LAMA5: variants seen among roughly 807,000 people sequenced by gnomAD.
LAMA5 encodes the protein laminin subunit alpha-5.
Under a neutral mutation model 433.4 loss-of-function variants are expected in LAMA5, and 260 were observed. That is an observed-to-expected ratio of 0.60 (90% CI 0.54 to 0.66). LAMA5 has a LOEUF of 0.66. LAMA5 is among the 30% of genes least tolerant of loss of function. The pLI, the probability that LAMA5 is intolerant of heterozygous loss-of-function variation, is 0.00. For missense variants in LAMA5, 5,378 were observed against 5,258.5 expected, an observed-to-expected ratio of 1.02 and a Z score of -0.70; for synonymous variants, 2,620 against 2,226.6, an observed-to-expected ratio of 1.18 and a Z score of -4.97.
At position 62,332,732 on chromosome 20, in the gene LAMA5, G is replaced by A. The variant is rs780376886; in HGVS notation, c.3283-15C>T. On this transcript the variant is annotated splice_polypyrimidine_tract_variant and intron_variant, in intron 26 of 79. Coordinates refer to ENST00000252999, the MANE Select transcript of LAMA5 (RefSeq NM_005560.6). ...TGGACGTCCACCTGCAGGGAAGGCA[G>A]GGTGACGGGAGGCCCGCCACCCCTC... 4 of 1,608,172 alleles carry A rather than the reference G, an allele frequency of 2.5e-6. No individual in the cohort carries two copies. The highest frequency in any genetic ancestry group is 1.7e-6 in the Non-Finnish European group (2 of 1,178,298).
chr20:62,363,008 C>T (rs1986322928), intron 1 of LAMA5, among the ~76,000 whole-genome samples: 1 of 152,148 alleles, frequency 6.6e-6, no homozygotes, highest in Non-Finnish European at 1.5e-5. Context: ...TAAGGCAAAG[C>T]ATGGCTACCC....
chr20:62,310,718 G>T lies in LAMA5; in HGVS notation c.10393C>A (p.His3465Asn). The T allele has an allele frequency of 6.3e-7, 1 of 1,596,766 alleles. No homozygotes were observed. ...QHQGAEHPQP[H>N]TLFVGGLPAS... Reference sequence around the variant, plus strand: ...GGGAGGCCGCCCACAAAGAGGGTGTGGGGCTGGGGGTGCTCTGCCCCCTGG... The same window carrying T: ...GGGAGGCCGCCCACAAAGAGGGTGTTGGGCTGGGGGTGCTCTGCCCCCTGG... Residue 3465 changes from histidine (H) to asparagine (N), a missense_variant, in exon 75 of 80, where the codon CAC becomes AAC. Transcript: ENST00000252999.
chr20:62,334,724 T>TG (rs1172677297), intron 20 of LAMA5, 103 bp from the exon 21 acceptor site: 40 of 784,678 alleles, frequency 5.1e-5, no homozygotes, highest in Non-Finnish European at 6.9e-5. Context: ...CTCTGGATGA[T>TG]GGAGAGTCAG....
Position 62,331,136 on chromosome 20 carries a change from G to A in LAMA5, c.3553-7C>T. The A allele has an allele frequency of 1.9e-6, 3 of 1,555,266 alleles. No homozygotes were observed. Among genetic ancestry groups the A allele is most frequent in the African/African-American group, 1.4e-5 (1 of 72,746 alleles). ...GCACCAGAGTGACCCCGTGCTGCAG[G>A]CAGAGGGACGAGATGCTGCAACGCC... On this transcript the variant is annotated splice_polypyrimidine_tract_variant and splice_region_variant and intron_variant, in intron 28 of 79. Coordinates refer to ENST00000252999, the MANE Select transcript of LAMA5 (RefSeq NM_005560.6).
At position 62,310,499 on chromosome 20, in the gene LAMA5, A is replaced by G. The variant is rs374751233; in HGVS notation, c.10520T>C (p.Met3507Thr). 8 of 1,565,266 alleles carry G rather than the reference A, an allele frequency of 5.1e-6. No homozygotes were observed. In the African/African-American group the frequency reaches 1.1e-4, roughly 21 times the overall value. ...CAAGATGCAGGGTGTGACCCCTGCC[A>G]TCCGTGTGGGGGCCCCCAGGGGCCT... ...HGRPLGAPTR[M>T]AGVTPCILGP... Residue 3507 changes from methionine to threonine, a missense_variant, in exon 76 of 80, where the codon ATG becomes ACG. Coordinates refer to ENST00000252999, the MANE Select transcript of LAMA5 (RefSeq NM_005560.6).
intron 6 of LAMA5, 96 bp from the exon 7 acceptor site, chr20:62,347,124 G>T: frequency 1.1e-6 from 1 of 912,644 alleles, no homozygotes; most frequent in Non-Finnish European, 1.7e-6. Flanking sequence ...CCCCTCGATG[G>T]CTTGGCTTGC....
At chr20:62,341,256 T>C (rs182459561) in intron 11 of LAMA5, among the ~76,000 whole-genome samples, 6 of 151,242 alleles carry the variant, frequency 4.0e-5, no homozygotes, top group South Asian at 2.1e-4. Context: ...CAGTGACGGG[T>C]TGAAAGAAAA....
Position 62,330,845 on chromosome 20 carries a change from G to T in LAMA5, c.3750C>A (p.His1250Gln). Residue 1250 changes from histidine (H) to glutamine (Q), a missense_variant, in exon 30 of 80, where the codon CAC (histidine) becomes CAA (glutamine). Physicochemically the swap from His to Gln is conservative, Grantham distance 24. Coordinates refer to ENST00000252999, the MANE Select transcript of LAMA5 (RefSeq NM_005560.6). ...IPLPPGLPLT[H>Q]AQDLTPAMSP... Reference sequence around the variant, plus strand: ...ACATGGCTGGAGTGAGATCCTGCGCGTGGGTCAGCGGGAGGCCGGGCGGCA... The same window carrying T: ...ACATGGCTGGAGTGAGATCCTGCGCTTGGGTCAGCGGGAGGCCGGGCGGCA... The T allele has an allele frequency of 6.5e-7, 1 of 1,542,146 alleles. No homozygotes were observed. The highest frequency in any genetic ancestry group is 8.7e-7 in the Non-Finnish European group (1 of 1,143,538).
chr20:62,313,370 T>A lies in LAMA5; in HGVS notation c.8749A>T (p.Arg2917Trp), dbSNP rs1431178834. ...ACAGCCGTGTCCAGCTGGAAGGTCC[T>A]CTCGAAGTTGTAGAGGCTGACCACC... ...EEVVSLYNFERTFQLDTAVDR... is the reference protein window; with the variant it reads ...EEVVSLYNFEWTFQLDTAVDR... Residue 2917 changes from arginine to tryptophan, a missense_variant, in exon 64 of 80, where the codon AGG becomes TGG. Physicochemically the swap from Arg to Trp is moderately radical, Grantham distance 101. Coordinates refer to ENST00000252999, the MANE Select transcript of LAMA5 (RefSeq NM_005560.6). 6.3e-7 allele frequency: 1 copy of A among 1,590,350 alleles called. No individual in the cohort carries two copies. The highest frequency in any genetic ancestry group is 1.8e-5 in the Admixed American group (1 of 56,654).
At position 62,310,383 on chromosome 20, in the gene LAMA5, G is replaced by C. The variant is rs752323583; in HGVS notation, c.10600+36C>G. ...AGAACCTCCTGGAGCCCCCTGCCCT[G>C]CCCTGCTGAGGCCTGGGATGCCAGC... On this transcript the variant is annotated intron_variant, in intron 76 of 79. Transcript: ENST00000252999. 5 of 1,573,636 alleles carry C rather than the reference G, an allele frequency of 3.2e-6. No individual in the cohort carries two copies. In the South Asian group the frequency reaches 6.0e-5, roughly 19 times the overall value.
chr20:62,358,326 C>T (rs181227883), intron 2 of LAMA5, among the ~76,000 whole-genome samples: 42 of 152,244 alleles, frequency 2.8e-4, no homozygotes, highest in East Asian at 1.2e-3. Flanking sequence ...GGACCCCCGC[C>T]GTACCCCCCA....
At position 62,331,132 on chromosome 20, in the gene LAMA5, G is replaced by A; in HGVS notation, c.3553-3C>T. Reference sequence around the variant, plus strand: ...ATGGGCACCAGAGTGACCCCGTGCTGCAGGCAGAGGGACGAGATGCTGCAA... The same window carrying A: ...ATGGGCACCAGAGTGACCCCGTGCTACAGGCAGAGGGACGAGATGCTGCAA... On this transcript the variant is annotated splice_polypyrimidine_tract_variant and splice_region_variant and intron_variant, in intron 28 of 79. Coordinates refer to ENST00000252999, the MANE Select transcript of LAMA5 (RefSeq NM_005560.6). The A allele has an allele frequency of 1.3e-6, 2 of 1,536,882 alleles. No homozygotes were observed. The highest frequency in any genetic ancestry group is 1.4e-5 in the African/African-American group (1 of 72,942).
At position 62,324,299 on chromosome 20, in the gene LAMA5, C is replaced by A; in HGVS notation, c.5644-95G>T. The A allele has an allele frequency of 6.6e-7, 1 of 1,513,066 alleles. No homozygotes were observed. The highest frequency in any genetic ancestry group is 2.3e-5 in the East Asian group (1 of 42,820). 93.7% of individuals were successfully genotyped at this position (1,513,066 alleles called of 1,614,324 possible). A position where few individuals can be genotyped will look rare whatever the true frequency, so the allele number is the denominator to read the frequency against. Reference sequence around the variant, plus strand: ...ACCACCCCTGCCTCAGACTCTGTGCCCAAGGCCAGATGGTCCCCCACTGGG... The same window carrying A: ...ACCACCCCTGCCTCAGACTCTGTGCACAAGGCCAGATGGTCCCCCACTGGG... On this transcript the variant is annotated intron_variant, in intron 42 of 79. Transcript: ENST00000252999. The surrounding 1 kb of genome is among the most constrained non-coding windows in gnomAD (Gnocchi z 4.4).
chr20:62,332,588 C>A lies in LAMA5; in HGVS notation c.3412G>T (p.Gly1138Trp), dbSNP rs778063525. The A allele has an allele frequency of 1.9e-6, 3 of 1,593,538 alleles. No homozygotes were observed. The Admixed American group carries it at 5.2e-5, about 28-fold the overall frequency. The change falls in exon 27 of 80, where the codon GGG becomes TGG. Residue 1138 changes from glycine to tryptophan, a missense_variant. Coordinates refer to ENST00000252999, the MANE Select transcript of LAMA5 (RefSeq NM_005560.6). Reference protein sequence around the residue: ...VHTPQRAPQQGLLSLHPCLYS... With the variant: ...VHTPQRAPQQWLLSLHPCLYS... Reference sequence around the variant, plus strand: ...AGGCAGGGGTGCAGGGAGAGCAGCCCCTGCTGGGGGGCCCGCTGTGGGGTG... The same window carrying A: ...AGGCAGGGGTGCAGGGAGAGCAGCCACTGCTGGGGGGCCCGCTGTGGGGTG...
intron 11 of LAMA5, 135 bp from the exon 12 acceptor site, chr20:62,338,743 A>C: frequency 9.7e-7 from 1 of 1,031,514 alleles, no homozygotes. Flanking sequence ...TAAAATAATA[A>C]AAATCCCAGC....
At chr20:62,326,401 C>T (rs938191575) in intron 40 of LAMA5, 1 of 417,944 alleles carries the variant, frequency 2.4e-6, no homozygotes, top group Admixed American at 4.1e-5. Context: ...ACAGGCAGTG[C>T]ATGGAGGAAG....
chr20:62,336,378 A>C lies in LAMA5; in HGVS notation c.2285T>G (p.Phe762Cys), dbSNP rs148515817. 1.9e-3 allele frequency: 3,031 copies of C among 1,612,502 alleles called. 8 individuals are homozygous for C. Among genetic ancestry groups the C allele is most frequent in the Non-Finnish European group, 2.3e-3 (2,673 of 1,179,754 alleles). ...GPSCDRCKPG[F>C]WGLSPSNPEG... Reference sequence around the variant, plus strand: ...GGGGTTGCTGGGGCTCAGTCCCCAGAACCCAGGTTTGCAGCGGTCACAGCT... The same window carrying C: ...GGGGTTGCTGGGGCTCAGTCCCCAGCACCCAGGTTTGCAGCGGTCACAGCT... The change falls in exon 18 of 80, where the codon TTC (phenylalanine) becomes TGC (cysteine). Residue 762 changes from phenylalanine to cysteine, a missense_variant. Physicochemically the swap from Phe to Cys is radical, Grantham distance 205 (BLOSUM62 -2). Transcript: ENST00000252999.
chr20:62,333,575 C>A lies in LAMA5; in HGVS notation c.3010G>T (p.Gly1004Trp). Residue 1004 changes from glycine (G) to tryptophan (W), a missense_variant, in exon 24 of 80, where the codon GGG (glycine) becomes TGG (tryptophan). Coordinates refer to ENST00000252999, the MANE Select transcript of LAMA5 (RefSeq NM_005560.6). Reference protein sequence around the residue: ...GTWALRVEAEGVLLDYVVLLP... With the variant: ...GTWALRVEAEWVLLDYVVLLP... ...GGCCCCTGCCTCACCAGGAGCACCCCTTCGGCCTCCACACGCAGGGCCCAG... is the reference window on the plus strand; with the variant it reads ...GGCCCCTGCCTCACCAGGAGCACCCATTCGGCCTCCACACGCAGGGCCCAG... 6.4e-7 allele frequency: 1 copy of A among 1,566,692 alleles called. No individual in the cohort carries two copies. The highest frequency in any genetic ancestry group is 8.6e-7 in the Non-Finnish European group (1 of 1,156,118).
Position 62,362,484 on chromosome 20 carries a change from A to G in LAMA5, c.366T>C (p.Asp122=), listed in dbSNP as rs1269928163. 5 of 1,605,436 alleles carry G rather than the reference A, an allele frequency of 3.1e-6. No homozygotes were observed. ...NKAHPASNAI[D]GTERWWQSPP... is the part of the protein sequence containing the mutation. ...GACTCTGCCACCAGCGCTCCGTGCC[A>G]TCGATGGCATTGCTCGCGGGGTGTG... Residue 122 remains aspartate, a synonymous_variant, in exon 2 of 80, where the codon GAT becomes GAC. Coordinates refer to ENST00000252999, the MANE Select transcript of LAMA5 (RefSeq NM_005560.6).
Sources: allele counts gnomAD v4.1 joint callset (sites outside exome capture counted in the v4.1 genomes callset), GRCh38; gene constraint gnomAD v4.1.1; non-coding constraint Gnocchi (gnomAD v3.1); transcripts MANE v1.5; gene names NCBI Gene and HGNC (gene_info 2026-07-23, HGNC 2026-07-21).